CFAP20DC: variants seen among roughly 807,000 people sequenced by gnomAD.
The protein encoded by CFAP20DC is CFAP20 domain containing.
CFAP20DC carries 84 observed loss-of-function variants against 101.7 expected under a neutral mutation model. The ratio of observed to expected loss-of-function variants is 0.83; its 90% CI spans 0.69 to 0.99. The LOEUF is 0.99. Among genes scored for constraint, CFAP20DC ranks in the 50% least tolerant of loss-of-function variants. The pLI is 0.00. For synonymous variants in CFAP20DC, 359 were observed against 351.2 expected (o/e 1.02, Z -0.25); for missense variants, 1,007 against 970.3 (o/e 1.04, Z -0.50).
chr3:59,029,063 G>T (rs1282134297), intron 4 of CFAP20DC, among the ~76,000 whole-genome samples: 1 of 152,108 alleles, frequency 6.6e-6, no homozygotes, highest in Non-Finnish European at 1.5e-5. Flanking sequence ...CATTCATCAA[G>T]ATATATTTAG....
chr3:58,890,699 C>T (rs1209529465), intron 6 of CFAP20DC, among the ~76,000 whole-genome samples: 16 of 150,064 alleles, frequency 1.1e-4, no homozygotes, highest in African/African-American at 3.2e-4. Flanking sequence ...GGTCTCCTCA[C>T]TTCTCAGACG....
chr3:58,900,615 T>A (rs530002507), intron 6 of CFAP20DC, among the ~76,000 whole-genome samples: 2 of 152,188 alleles, frequency 1.3e-5, no homozygotes, highest in Admixed American at 1.3e-4. Flanking sequence ...TGCTAACAAA[T>A]ATGAAAGCAT....
chr3:58,738,870 T>C (rs1254987897), downstream of CFAP20DC, among the ~76,000 whole-genome samples: 3 of 152,196 alleles, frequency 2.0e-5, no homozygotes, highest in Non-Finnish European at 4.4e-5. This position sits in a 1 kb window ranked among gnomAD's most constrained non-coding sequence, Gnocchi z 4.4. Context: ...TTCCACAGTT[T>C]TTAAAAAAGA....
chr3:58,959,555 T>C (rs2090953112), intron 4 of CFAP20DC, among the ~76,000 whole-genome samples: 1 of 152,356 alleles, frequency 6.6e-6, no homozygotes, highest in South Asian at 2.1e-4. Context: ...TTAGCACTTC[T>C]GTCAAAAATC....
At chr3:58,786,416 T>C (rs965781417) in intron 15 of CFAP20DC, among the ~76,000 whole-genome samples, 2 of 152,150 alleles carry the variant, frequency 1.3e-5, no homozygotes, top group African/African-American at 4.8e-5. Flanking sequence ...TCTGTGGTTT[T>C]AGCTACCTGA....
rs1484704068 is a variant in CFAP20DC at position 58,806,425 on chromosome 3, T to G, written c.2207A>C (p.Glu736Ala). 15 of 1,612,224 alleles carry G rather than the reference T, an allele frequency of 9.3e-6. No individual in the cohort carries two copies. Among genetic ancestry groups the G allele is most frequent in the Non-Finnish European group, 1.3e-5 (15 of 1,178,356 alleles). The change falls in exon 15 of 17, where the codon GAA (glutamate) becomes GCA (alanine). Residue 736 changes from glutamate to alanine, a missense_variant. By Grantham distance (107) the Glu-to-Ala change is moderately radical. Coordinates refer to ENST00000482387, the MANE Select transcript of CFAP20DC (RefSeq NM_001394063.1). ...ATTAGAAGGAGAAGGTGGGTTCATT[T>G]CTTTCTGATAGTGGCGACCCTGGTT... Reference protein sequence around the residue: ...PVNQGRHYQKEMNPPSPSNPR... With the variant: ...PVNQGRHYQKAMNPPSPSNPR...
At chr3:58,754,932 T>A (rs1157455638) in intron 15 of CFAP20DC, among the ~76,000 whole-genome samples, 2 of 152,150 alleles carry the variant, frequency 1.3e-5, no homozygotes, top group Non-Finnish European at 2.9e-5. Context: ...GGTACAGAAT[T>A]AGCACTCAAT....
At chr3:59,024,450 T>A (rs2093856840) in intron 4 of CFAP20DC, among the ~76,000 whole-genome samples, 1 of 152,154 alleles carries the variant, frequency 6.6e-6, no homozygotes, top group African/African-American at 2.4e-5. Flanking sequence ...GAGTTGGTTG[T>A]TGAGATGTCT....
chr3:58,917,229 T>C (rs1347226653), intron 5 of CFAP20DC, among the ~76,000 whole-genome samples: 1 of 152,184 alleles, frequency 6.6e-6, no homozygotes, highest in African/African-American at 2.4e-5. Flanking sequence ...TAGTTTTTAC[T>C]AACTCATGTT....
intron 4 of CFAP20DC, among the ~76,000 whole-genome samples, chr3:59,027,416 A>G (rs1205516129): frequency 6.6e-6 from 1 of 152,122 alleles, no homozygotes; most frequent in Admixed American, 6.6e-5. Flanking sequence ...AAGAATCCTA[A>G]CCTCTCCAAA....
chr3:58,827,568 T>C (rs1052040728), intron 14 of CFAP20DC, among the ~76,000 whole-genome samples: 1 of 152,220 alleles, frequency 6.6e-6, no homozygotes, highest in Non-Finnish European at 1.5e-5. Flanking sequence ...TGGCTTCCTT[T>C]TGGAACTTGG....
chr3:58,869,675 G>A lies in CFAP20DC; in HGVS notation c.853-185C>T, dbSNP rs985959103. 6.6e-6 allele frequency among the ~76,000 whole-genome samples: 1 copy of A among 152,128 alleles called. No homozygotes were observed. Among genetic ancestry groups the A allele is most frequent in the Admixed American group, 6.5e-5 (1 of 15,272 alleles). ...TTAGAAATGGAAGGAGAAAAATAAC[G>A]AGATAAAATAGAAGACATGCAAGTC... On this transcript the variant is annotated intron_variant, in intron 8 of 16. Transcript: ENST00000482387. The surrounding 1 kb of genome is among the most constrained non-coding windows in gnomAD (Gnocchi z 4.3).
chr3:58,907,914 A>G (rs2083767486), intron 6 of CFAP20DC, among the ~76,000 whole-genome samples: 2 of 152,144 alleles, frequency 1.3e-5, no homozygotes, highest in African/African-American at 4.8e-5. Context: ...TATTCAGAAC[A>G]TTTCAGGCCA....
chr3:58,931,390 G>C (rs1311463422), intron 5 of CFAP20DC, among the ~76,000 whole-genome samples: 1 of 152,226 alleles, frequency 6.6e-6, no homozygotes, highest in African/African-American at 2.4e-5. Context: ...AGACTTAAAT[G>C]TCCCTGTCTG....
intron 7 of CFAP20DC, among the ~76,000 whole-genome samples, chr3:58,872,495 T>C (rs78905008): frequency 0.011 from 1,651 of 152,266 alleles, 32 homozygotes; most frequent in African/African-American, 0.038. Context: ...GGTCTGTTTT[T>C]GTGTTTGTAA....
Position 59,007,742 on chromosome 3 carries a change from G to A in CFAP20DC, c.278+31815C>T, listed in dbSNP as rs2093471181. Among the ~76,000 whole-genome samples, 1 of 152,246 alleles carries A rather than the reference G, an allele frequency of 6.6e-6. No individual in the cohort carries two copies. Among genetic ancestry groups the A allele is most frequent in the Non-Finnish European group, 1.5e-5 (1 of 68,026 alleles). ...GTCTGGAGCCTGGTAGCCCTGCTGG[G>A]TGGCTAGACCCAGAAGGGCAGTAAC... On this transcript the variant is annotated intron_variant, in intron 4 of 16. Coordinates refer to ENST00000482387, the MANE Select transcript of CFAP20DC (RefSeq NM_001394063.1). The surrounding 1 kb of genome is among the most constrained non-coding windows in gnomAD (Gnocchi z 4.4).
chr3:58,852,626 C>T (rs1373370460), intron 12 of CFAP20DC, among the ~76,000 whole-genome samples: 1 of 150,114 alleles, frequency 6.7e-6, no homozygotes, highest in East Asian at 2.0e-4. Flanking sequence ...GAAATTATAA[C>T]AAACTATCTC....
chr3:58,725,083 A>G (rs1410113218), intron 3 of CFAP20DC, among the ~76,000 whole-genome samples: 1 of 152,188 alleles, frequency 6.6e-6, no homozygotes, highest in Non-Finnish European at 1.5e-5. Flanking sequence ...AAGTCCCAAT[A>G]ATTGCCTTCA....
At position 58,815,191 on chromosome 3, in the gene CFAP20DC, A is replaced by G. The variant is rs562602313; in HGVS notation, c.2176-8735T>C. 9.5e-4 allele frequency among the ~76,000 whole-genome samples: 145 copies of G among 151,846 alleles called. 5 individuals are homozygous for G. The South Asian group carries it at 0.03, about 31-fold the overall frequency. On this transcript the variant is annotated intron_variant, in intron 14 of 16. Transcript: ENST00000482387. ...ATCAATGGAACAGAACACAGCCCTCAGAAATAACGCTGCATATCTACAACT... is the reference window on the plus strand; with the variant it reads ...ATCAATGGAACAGAACACAGCCCTCGGAAATAACGCTGCATATCTACAACT...
Sources: gnomAD v4.1 joint callset for allele counts (sites outside exome capture counted in the v4.1 genomes callset) on GRCh38, gnomAD v4.1.1 for gene constraint, Gnocchi (gnomAD v3.1) non-coding constraint, MANE v1.5 for transcripts, NCBI Gene and HGNC (gene_info 2026-07-23, HGNC 2026-07-21) for gene names.